Variants in DPP10 observed in about 807,000 individuals in gnomAD.
DPP10 encodes the protein dipeptidyl peptidase like 10, also known as inactive dipeptidyl peptidase 10.
DPP10 carries 33 observed loss-of-function variants against 120.9 expected under a neutral mutation model. That is an observed-to-expected ratio of 0.27 (90% CI 0.21 to 0.37). DPP10 has a LOEUF of 0.37. Ranked by LOEUF, DPP10 falls within the 10% of genes least tolerant of loss-of-function variation. The probability of loss-of-function intolerance (pLI) is 1.00; values close to 1 mark genes in which losing one functional copy is unlikely to be tolerated. For missense variants in DPP10, 816 were observed against 942.8 expected (o/e 0.87, Z 1.76); for synonymous variants, 337 against 326.1 (o/e 1.03, Z -0.36).
Position 115,791,398 on chromosome 2 carries a change from T to C in DPP10, c.1700+42T>C, listed in dbSNP as rs764809632. On this transcript the variant is annotated intron_variant, in intron 19 of 25. Transcript: ENST00000410059. ...TTTTTAAAATAAAGGAATCTAAAGA[T>C]TTTATATTTTTGTGTCTCACATGAC... 10 of 1,518,300 alleles carry C rather than the reference T, an allele frequency of 6.6e-6. No homozygotes were observed. In the South Asian group the frequency reaches 1.1e-4, roughly 17 times the overall value. The allele number at this position is 1,518,300 out of a possible 1,614,324, so 94.1% of individuals were successfully genotyped here.
chr2:114,638,976 T>C (rs1695504323), intron 1 of DPP10, among the ~76,000 whole-genome samples: 1 of 151,798 alleles, frequency 6.6e-6, no homozygotes, highest in South Asian at 2.1e-4. Context: ...AAAATCATGC[T>C]CTTTGAAGCA....
chr2:115,522,203 T>C (rs1043501708), intron 4 of DPP10, among the ~76,000 whole-genome samples: 2 of 152,188 alleles, frequency 1.3e-5, no homozygotes, highest in Non-Finnish European at 2.9e-5. Flanking sequence ...CTCTTTTAAA[T>C]AGGCGGTCTG....
intron 1 of DPP10, among the ~76,000 whole-genome samples, chr2:114,553,313 C>G (rs572462740): frequency 3.5e-4 from 54 of 152,278 alleles, no homozygotes; most frequent in African/African-American, 1.3e-3. Context: ...TGATAATTTC[C>G]AGGTTAAATC....
At chr2:115,363,858 A>G (rs1178161773) in intron 3 of DPP10, among the ~76,000 whole-genome samples, 1 of 152,142 alleles carries the variant, frequency 6.6e-6, no homozygotes, top group Non-Finnish European at 1.5e-5. Flanking sequence ...TGTGCCCATC[A>G]TCGGGCCAAT....
At chr2:115,723,087 G>T (rs1332994914) in intron 7 of DPP10, among the ~76,000 whole-genome samples, 2 of 152,066 alleles carry the variant, frequency 1.3e-5, no homozygotes, top group African/African-American at 2.4e-5. Context: ...GTAACTAGAA[G>T]TCAACTAGCA....
At chr2:115,311,251 A>T (rs2061563861) in intron 2 of DPP10, among the ~76,000 whole-genome samples, 1 of 152,170 alleles carries the variant, frequency 6.6e-6, no homozygotes, top group Non-Finnish European at 1.5e-5. Flanking sequence ...TGGGTATAAT[A>T]TTTAGTTCCA....
chr2:115,009,721 C>A (rs1702124723), intron 1 of DPP10, among the ~76,000 whole-genome samples: 1 of 151,892 alleles, frequency 6.6e-6, no homozygotes, highest in Non-Finnish European at 1.5e-5. Context: ...TGTGTGTATA[C>A]CTATGTAACA....
intron 1 of DPP10, chr2:115,064,900 T>G: frequency 8.2e-7 from 1 of 1,217,216 alleles, no homozygotes; most frequent in Non-Finnish European, 1.1e-6. Flanking sequence ...GAATTGTCTT[T>G]TCCTATTTTT....
intron 1 of DPP10, among the ~76,000 whole-genome samples, chr2:115,175,039 G>A (rs931332939): frequency 1.3e-5 from 2 of 152,230 alleles, no homozygotes; most frequent in African/African-American, 4.8e-5. Flanking sequence ...TTAGCAAAAT[G>A]AGATTCGGAT....
intron 5 of DPP10, among the ~76,000 whole-genome samples, chr2:115,633,799 T>C (rs564720159): frequency 1.8e-4 from 27 of 152,266 alleles, no homozygotes; most frequent in Admixed American, 3.3e-4. Flanking sequence ...ACTGGGGTTC[T>C]CTGGATTTCC....
intron 5 of DPP10, among the ~76,000 whole-genome samples, chr2:115,558,591 C>T (rs2080365116): frequency 1.3e-5 from 2 of 152,126 alleles, no homozygotes; most frequent in African/African-American, 4.8e-5. Flanking sequence ...CTGAAAAGTA[C>T]TGACCTTCCT....
intron 8 of DPP10, among the ~76,000 whole-genome samples, chr2:115,737,070 C>T (rs930010812): frequency 1.1e-4 from 17 of 152,096 alleles, no homozygotes; most frequent in African/African-American, 3.9e-4. Flanking sequence ...TTCAGTGCCA[C>T]TCCTGAGTCA....
intron 3 of DPP10, among the ~76,000 whole-genome samples, chr2:115,377,328 T>C (rs1263252271): frequency 1.3e-5 from 2 of 152,064 alleles, no homozygotes; most frequent in African/African-American, 2.4e-5. Context: ...TTTCATGTGT[T>C]TTTTGGCTGC....
intron 1 of DPP10, among the ~76,000 whole-genome samples, chr2:115,089,405 G>C (rs1709054405): frequency 6.6e-6 from 1 of 152,152 alleles, no homozygotes; most frequent in African/African-American, 2.4e-5. Flanking sequence ...TCCAAGACTA[G>C]ATGAGCAGTA....
At chr2:114,525,042 G>T (rs925233735) in intron 1 of DPP10, among the ~76,000 whole-genome samples, 3 of 152,084 alleles carry the variant, frequency 2.0e-5, no homozygotes, top group African/African-American at 7.2e-5. Flanking sequence ...AAATGTGTGT[G>T]GAAGGCTTGC....
intron 1 of DPP10, among the ~76,000 whole-genome samples, chr2:115,194,619 C>T (rs747321731): frequency 2.6e-5 from 4 of 152,128 alleles, no homozygotes; most frequent in South Asian, 4.1e-4. Flanking sequence ...AATGGCCAAA[C>T]GAAGGGGTTT....
chr2:114,691,725 T>C (rs1018356917), intron 1 of DPP10, among the ~76,000 whole-genome samples: 35 of 152,240 alleles, frequency 2.3e-4, no homozygotes, highest in African/African-American at 8.4e-4. Flanking sequence ...TTTTTTTGGT[T>C]GGTAGACTAT....
chr2:115,516,909 A>G (rs2077534753), intron 4 of DPP10, among the ~76,000 whole-genome samples: 1 of 152,176 alleles, frequency 6.6e-6, no homozygotes, highest in African/African-American at 2.4e-5. Context: ...AATATTTATC[A>G]ACAAGAAGAT....
chr2:115,276,319 G>GT (rs1461492202), intron 1 of DPP10, among the ~76,000 whole-genome samples: 3 of 152,036 alleles, frequency 2.0e-5, no homozygotes, highest in Non-Finnish European at 4.4e-5. Context: ...AGGATAATTT[G>GT]TAAATAGCCT....
Sources: allele counts gnomAD v4.1 joint callset (sites outside exome capture counted in the v4.1 genomes callset), GRCh38; gene constraint gnomAD v4.1.1; transcripts MANE v1.5; gene names NCBI Gene and HGNC (gene_info 2026-07-23, HGNC 2026-07-21).